RBM5: variants seen among roughly 807,000 people sequenced by gnomAD.
The protein encoded by RBM5 is RNA-binding protein 5.
A neutral mutation model predicts 124.6 loss-of-function variants in RBM5; 15 were observed. The ratio of observed to expected loss-of-function variants is 0.12; its 90% confidence interval spans 0.08 to 0.19. RBM5 has a LOEUF of 0.19. Among genes scored for constraint, RBM5 ranks in the 10% least tolerant of loss-of-function variants. The probability of loss-of-function intolerance (pLI) is 1.00; values close to 1 mark genes in which losing one functional copy is unlikely to be tolerated. For synonymous variants in RBM5, 337 were observed against 361.2 expected (o/e 0.93, Z 0.76); for missense variants, 580 against 1,026.5 (o/e 0.57, Z 5.94).
chr3:50,105,292 C>T, intron 9 of RBM5, 150 bp downstream of exon 9: 2 of 690,364 alleles, frequency 2.9e-6, no homozygotes, highest in Non-Finnish European at 4.6e-6. Context: ...CCTGTAATCC[C>T]AGCTACTCCG....
At position 50,118,410 on chromosome 3, in the gene RBM5, A is replaced by T. The variant is rs753490011; in HGVS notation, c.2402A>T (p.Asp801Val). 2.5e-6 allele frequency: 4 copies of T among 1,614,134 alleles called. No individual in the cohort carries two copies. Among genetic ancestry groups the T allele is most frequent in the Non-Finnish European group, 3.4e-6 (4 of 1,180,002 alleles). Residue 801 changes from aspartate to valine, a missense_variant, in exon 25 of 25, where the codon GAT (aspartate) becomes GTT (valine). By Grantham distance (152) the Asp-to-Val change is radical (BLOSUM62 -3). This residue lies in a region of RBM5 where 234 missense variants were observed against 435.1 expected (regional missense o/e 0.54). Transcript: ENST00000347869. Reference protein sequence around the residue: ...YGLSGADSYKDAVRKAMFARF... With the variant: ...YGLSGADSYKVAVRKAMFARF... ...TTGTCGGGCGCCGATTCCTACAAAG[A>T]TGCTGTCCGGAAAGCCATGTTTGCC...
intron 4 of RBM5, among the ~76,000 whole-genome samples, chr3:50,097,771 C>A (rs1041997717): frequency 1.3e-5 from 2 of 152,036 alleles, no homozygotes; most frequent in Non-Finnish European, 2.9e-5. Flanking sequence ...AAATTTTTAC[C>A]AATAATTTAA....
At chr3:50,110,315 A>C in intron 15 of RBM5, 64 bp from the exon 16 acceptor site, 1 of 1,389,074 alleles carries the variant, frequency 7.2e-7, no homozygotes, top group East Asian at 2.3e-5. Context: ...GGATGATTGC[A>C]GTGATTTAGC....
At chr3:50,094,625 G>A (rs2090773588) in intron 4 of RBM5, among the ~76,000 whole-genome samples, 1 of 152,142 alleles carries the variant, frequency 6.6e-6, no homozygotes, top group South Asian at 2.1e-4. Flanking sequence ...GCTGGCAGGT[G>A]CATGCCACCA....
At position 50,113,463 on chromosome 3, in the gene RBM5, C is replaced by A. The variant is rs763941405; in HGVS notation, c.1536C>A (p.Ser512Arg). 1.9e-6 allele frequency: 3 copies of A among 1,614,116 alleles called. No individual in the cohort carries two copies. Among genetic ancestry groups the A allele is most frequent in the Non-Finnish European group, 2.5e-6 (3 of 1,180,012 alleles). The change falls in exon 18 of 25, where the codon AGC becomes AGA. Residue 512 changes from serine to arginine, a missense_variant. This residue lies in a region of RBM5 where 234 missense variants were observed against 435.1 expected (regional missense o/e 0.54). Transcript: ENST00000347869. Reference sequence around the variant, plus strand: ...CCTACGTGCCAGCTGCAGAGTCTAGCTCCCACCAGCAGTCGGGCCTGCCTC... The same window carrying A: ...CCTACGTGCCAGCTGCAGAGTCTAGATCCCACCAGCAGTCGGGCCTGCCTC... ...KETYVPAAES[S>R]SHQQSGLPPA...
Position 50,117,170 on chromosome 3 carries a change from G to A in RBM5, c.2191G>A (p.Val731Met). Residue 731 changes from valine to methionine, a missense_variant and splice_region_variant, in exon 23 of 25, where the codon GTG becomes ATG. By Grantham distance (21) the Val-to-Met change is conservative (BLOSUM62 1). Coordinates refer to ENST00000347869, the MANE Select transcript of RBM5 (RefSeq NM_005778.4). The surrounding 1 kb of genome is among the most constrained non-coding windows in gnomAD (Gnocchi z 4.2). ...CAAGAAGCAGTTTGATGCCGGCACT[G>A]TGTATGTGATGTGCACATTTTCCAG... ...KRKKQFDAGT[V>M]NYEQPTKDGI... 1.2e-6 allele frequency: 2 copies of A among 1,614,186 alleles called. No homozygotes were observed. The highest frequency in any genetic ancestry group is 1.7e-6 in the Non-Finnish European group (2 of 1,180,028).
At chr3:50,104,166 C>G (rs931568521) in intron 7 of RBM5, 82 bp from the exon 8 acceptor site, 8 of 1,162,948 alleles carry the variant, frequency 6.9e-6, no homozygotes, top group African/African-American at 1.5e-5. Flanking sequence ...TTACTGGGAC[C>G]TACCCGTGGC....
At chr3:50,116,794 C>T in intron 22 of RBM5, 1 of 416,490 alleles carries the variant, frequency 2.4e-6, no homozygotes, top group Non-Finnish European at 4.5e-6. Flanking sequence ...GCCCAGTGGG[C>T]TGGTTGAGTA....
chr3:50,090,103 A>G (rs1387965730), intron 1 of RBM5: 1 of 237,140 alleles, frequency 4.2e-6, no homozygotes, highest in African/African-American at 2.3e-5. Context: ...AGGTAGGAGC[A>G]GGGAAGGAGT....
chr3:50,103,836 G>A (rs1261740688), intron 7 of RBM5, among the ~76,000 whole-genome samples: 1 of 152,172 alleles, frequency 6.6e-6, no homozygotes, highest in South Asian at 2.1e-4. Flanking sequence ...GAACTTGAAT[G>A]TTGACATTGA....
At chr3:50,110,898 C>T in intron 17 of RBM5, 128 bp downstream of exon 17, 1 of 696,406 alleles carries the variant, frequency 1.4e-6, no homozygotes, top group South Asian at 2.7e-5. Context: ...TCTTCAAAGC[C>T]ACCAAAATGT....
intron 21 of RBM5, 142 bp from the exon 22 acceptor site, chr3:50,115,762 CCA>C: frequency 1.7e-6 from 2 of 1,182,626 alleles, no homozygotes; most frequent in Middle Eastern, 4.1e-4. Context: ...TCTGGCAGCT[CCA>C]CACACATCAA....
chr3:50,091,639 G>A (rs2090704183), intron 2 of RBM5, among the ~76,000 whole-genome samples: 1 of 152,184 alleles, frequency 6.6e-6, no homozygotes, highest in African/African-American at 2.4e-5. Context: ...AGCCAGGGAT[G>A]TACTTAATTT....
chr3:50,090,183 C>A, intron 1 of RBM5, 199 bp from the exon 2 acceptor site: 1 of 402,290 alleles, frequency 2.5e-6, no homozygotes, highest in Non-Finnish European at 4.6e-6. Flanking sequence ...CTTAATCTTC[C>A]GGTTTTGCTC....
At chr3:50,106,118 A>ATGTTTTTTT (rs2091023703) in intron 10 of RBM5, among the ~76,000 whole-genome samples, 1 of 32,704 alleles carries the variant, frequency 3.1e-5, no homozygotes, top group African/African-American at 9.5e-5. Context: ...ACGCCCAGCT[A>ATGTTTTTTT]TTTTTTTTTT....
rs908070009 is a variant in RBM5, at chr3:50,117,891, C to G, written c.2323-440C>G. ...TCGGAGGCCCCTACCCACTGGCCTTCTAGGCAGGAGCTCCACCCGTAATTG... is the reference window on the plus strand; with the variant it reads ...TCGGAGGCCCCTACCCACTGGCCTTGTAGGCAGGAGCTCCACCCGTAATTG... On this transcript the variant is annotated intron_variant, in intron 24 of 24. Coordinates refer to ENST00000347869, the MANE Select transcript of RBM5 (RefSeq NM_005778.4). The surrounding 1 kb of genome is among the most constrained non-coding windows in gnomAD (Gnocchi z 4.2). The G allele has an allele frequency of 5.6e-6, 1 of 179,170 alleles. No individual in the cohort carries two copies. The highest frequency in any genetic ancestry group is 5.4e-5 in the Admixed American group (1 of 18,602). The allele number at this position is 179,170 out of a possible 1,614,324, so 11.1% of individuals were successfully genotyped here.
At position 50,100,132 on chromosome 3, in the gene RBM5, C is replaced by T. The variant is rs1575312718; in HGVS notation, c.409+81C>T. The T allele has an allele frequency of 4.8e-6, 6 of 1,253,262 alleles. No homozygotes were observed. The highest frequency in any genetic ancestry group is 1.3e-5 in the South Asian group (1 of 74,416). The allele number at this position is 1,253,262 out of a possible 1,614,324, so 77.6% of individuals were successfully genotyped here. A position where few individuals can be genotyped will look rare whatever the true frequency, so the allele number is the denominator to read the frequency against. ...TCCCTAAAGAACATCCTGATTCCCC[C>T]AGTCTTCAAGCACATGAATTCAGAA... is the stretch of plus-strand genomic sequence containing the variant. On this transcript the variant is annotated intron_variant, in intron 5 of 24. Coordinates refer to ENST00000347869, the MANE Select transcript of RBM5 (RefSeq NM_005778.4). The surrounding 1 kb of genome is among the most constrained non-coding windows in gnomAD (Gnocchi z 5.1).
In RBM5 at chr3:50,090,457, T is replaced by C. The variant is rs1373460375; in HGVS notation, c.17+6T>C. ...ACAATGGGTTCAGACAAAAGGTAAG[T>C]TACTACAGTACGTGGCTTTGATCTC... On this transcript the variant is annotated splice_donor_region_variant and intron_variant, in intron 2 of 24. Coordinates refer to ENST00000347869, the MANE Select transcript of RBM5 (RefSeq NM_005778.4). 3.7e-6 allele frequency: 6 copies of C among 1,614,010 alleles called. No individual in the cohort carries two copies. The highest frequency in any genetic ancestry group is 5.1e-6 in the Non-Finnish European group (6 of 1,179,932).
In RBM5 at chr3:50,092,943, CTTTTTTTTTTTTTTT is replaced by C. The variant is rs530934301; in HGVS notation, c.183+749_184-749del. The C allele has an allele frequency of 8.7e-3, 693 of 79,238 alleles. 25 individuals carry two copies. The highest frequency in any genetic ancestry group is 0.045 in the African/African-American group (594 of 13,150). The allele number at this position is 79,238 out of a possible 1,614,324, so 4.9% of individuals were successfully genotyped here. A position where few individuals can be genotyped will look rare whatever the true frequency, so the allele number is the denominator to read the frequency against. Reference sequence around the variant, plus strand: ...TGTTGTTTTGGTCATCTTGATATATCTTTTTTTTTTTTTTTTTTTTTTTTTTTTGAGACAGCTTTT... The same window carrying C: ...TGTTGTTTTGGTCATCTTGATATATCTTTTTTTTTTTTTGAGACAGCTTTT... On this transcript the variant is annotated intron_variant, in intron 3 of 24. Transcript: ENST00000347869.
Sources: allele counts gnomAD v4.1 joint callset (sites outside exome capture counted in the v4.1 genomes callset), GRCh38; gene constraint gnomAD v4.1.1; regional missense constraint gnomAD v4.1.1; non-coding constraint Gnocchi (gnomAD v3.1); transcripts MANE v1.5; gene names NCBI Gene and HGNC (gene_info 2026-07-23, HGNC 2026-07-21).